Variants in CHRM3 observed in about 807,000 individuals in gnomAD.
CHRM3 encodes cholinergic receptor muscarinic 3.
A neutral mutation model predicts 41.8 loss-of-function variants in CHRM3; 11 were observed. The ratio of observed to expected loss-of-function variants is 0.26; its 90% confidence interval spans 0.17 to 0.44. The LOEUF is 0.44. Among genes scored for constraint, CHRM3 ranks in the 20% least tolerant of loss-of-function variants. The pLI is 1.00. For synonymous variants in CHRM3, 297 were observed against 301.4 expected (o/e 0.99, Z 0.15); for missense variants, 571 against 745.4 (o/e 0.77, Z 2.72).
intron 6 of CHRM3, among the ~76,000 whole-genome samples, chr1:239,862,161 G>A (rs1177180885): frequency 6.6e-6 from 1 of 152,152 alleles, no homozygotes; most frequent in Non-Finnish European, 1.5e-5. Flanking sequence ...TTCCCTCATG[G>A]TTTTTGTATT....
intron 5 of CHRM3, among the ~76,000 whole-genome samples, chr1:239,771,706 C>A (rs1353845693): frequency 1.1e-4 from 17 of 152,180 alleles, no homozygotes; most frequent in Admixed American, 1.1e-3. Context: ...AATTACTCAA[C>A]TTTGCCCTTA....
chr1:239,416,077 C>T (rs1228232438), intron 1 of CHRM3, among the ~76,000 whole-genome samples: 1 of 152,034 alleles, frequency 6.6e-6, no homozygotes, highest in Non-Finnish European at 1.5e-5. Context: ...AATTAAGTAT[C>T]GTGGGGAAGC....
intron 2 of CHRM3, among the ~76,000 whole-genome samples, chr1:239,523,543 C>T (rs1669792540): frequency 6.6e-6 from 1 of 152,246 alleles, no homozygotes; most frequent in Admixed American, 6.5e-5. Context: ...AATCCATTGT[C>T]CCCAGTGTGT....
intron 2 of CHRM3, among the ~76,000 whole-genome samples, chr1:239,538,063 G>T (rs1311096985): frequency 6.6e-6 from 1 of 152,170 alleles, no homozygotes; most frequent in Non-Finnish European, 1.5e-5. Context: ...GGTTGAAGGG[G>T]CAGAAGAGAA....
chr1:239,477,622 C>T (rs1489714403), intron 1 of CHRM3, among the ~76,000 whole-genome samples: 2 of 152,112 alleles, frequency 1.3e-5, no homozygotes, highest in Non-Finnish European at 2.9e-5. Flanking sequence ...CTGAAGATCC[C>T]CACCTTCACA....
At chr1:239,683,250 A>C (rs1658745139) in intron 5 of CHRM3, among the ~76,000 whole-genome samples, 1 of 152,152 alleles carries the variant, frequency 6.6e-6, no homozygotes, top group Non-Finnish European at 1.5e-5. Flanking sequence ...CATCCAATGC[A>C]TTTTTATTTT....
intron 5 of CHRM3, among the ~76,000 whole-genome samples, chr1:239,783,170 C>T (rs560353341): frequency 1.3e-5 from 2 of 151,958 alleles, no homozygotes; most frequent in South Asian, 4.1e-4. Flanking sequence ...TCTGCTGGGT[C>T]TATTTCTCAT....
intron 3 of CHRM3, among the ~76,000 whole-genome samples, chr1:239,580,299 CACA>C (rs1418058630): frequency 1.4e-4 from 19 of 131,856 alleles, no homozygotes; most frequent in Non-Finnish European, 3.2e-5. Context: ...CACACACACA[CACA>C]CACACATCAA....
intron 5 of CHRM3, among the ~76,000 whole-genome samples, chr1:239,735,329 G>T (rs944812666): frequency 3.3e-5 from 5 of 152,118 alleles, no homozygotes; most frequent in Non-Finnish European, 7.4e-5. Flanking sequence ...TTCCTGTACT[G>T]CCAGATAGTC....
At chr1:239,630,688 A>G (rs1392969254) in intron 3 of CHRM3, among the ~76,000 whole-genome samples, 1 of 152,134 alleles carries the variant, frequency 6.6e-6, no homozygotes. Context: ...CTAGGTACAC[A>G]GATATTATTT....
rs780400224 is a variant in CHRM3 at position 239,776,821 on chromosome 1, G to A, written c.-146-50431G>A. On this transcript the variant is annotated intron_variant, in intron 5 of 6. Coordinates refer to ENST00000676153, the MANE Select transcript of CHRM3 (RefSeq NM_001375978.1). ...GGAAGGGGAAGCAAACATGTCCTTC[G>A]TCACATGGCAGCAGCAAGGAGAAGT... Among the ~76,000 whole-genome samples, 26 of 152,082 alleles carry A rather than the reference G, an allele frequency of 1.7e-4. 1 individual carries two copies. Among genetic ancestry groups the A allele is most frequent in the Admixed American group, 3.9e-4 (6 of 15,258 alleles).
At chr1:239,811,574 T>A (rs1209608478) in intron 5 of CHRM3, among the ~76,000 whole-genome samples, 5 of 152,210 alleles carry the variant, frequency 3.3e-5, no homozygotes, top group Admixed American at 2.0e-4. Flanking sequence ...ACTTTGCTTT[T>A]CCTAGTACAA....
intron 5 of CHRM3, among the ~76,000 whole-genome samples, chr1:239,759,976 G>C (rs1010640283): frequency 6.6e-6 from 1 of 151,772 alleles, no homozygotes; most frequent in Non-Finnish European, 1.5e-5. Context: ...GTGCAGTGGC[G>C]CGATCTAGAC....
chr1:239,480,614 T>C (rs1666784393), intron 1 of CHRM3, among the ~76,000 whole-genome samples: 1 of 143,302 alleles, frequency 7.0e-6, no homozygotes, highest in South Asian at 2.2e-4. Context: ...TGGAGTGCAG[T>C]GGCACGATCT....
intron 2 of CHRM3, among the ~76,000 whole-genome samples, chr1:239,521,984 C>T (rs1203547942): frequency 2.6e-5 from 4 of 152,180 alleles, no homozygotes; most frequent in Admixed American, 2.0e-4. Context: ...CTCCTGGAAC[C>T]AATGCCCCAA....
At chr1:239,887,917 G>A (rs79576162) in intron 6 of CHRM3, among the ~76,000 whole-genome samples, 5,051 of 152,204 alleles carry the variant, frequency 0.033, 270 homozygotes, top group African/African-American at 0.12. Context: ...ATAAGCTTCA[G>A]TTTCCACAAA....
chr1:239,552,460 A>G (rs1365340347), intron 3 of CHRM3, among the ~76,000 whole-genome samples: 1 of 147,682 alleles, frequency 6.8e-6, no homozygotes, highest in Non-Finnish European at 1.5e-5. Flanking sequence ...ATCATATTTT[A>G]TATATGTATA....
chr1:239,812,195 A>G (rs563553882), intron 5 of CHRM3, among the ~76,000 whole-genome samples: 120 of 152,240 alleles, frequency 7.9e-4, no homozygotes, highest in Admixed American at 2.7e-3. Context: ...GTGTGCCACC[A>G]TGCCCAGCTA....
At chr1:239,770,549 G>T (rs1223627001) in intron 5 of CHRM3, among the ~76,000 whole-genome samples, 3 of 152,150 alleles carry the variant, frequency 2.0e-5, no homozygotes, top group Non-Finnish European at 2.9e-5. Context: ...AAGGGTTCAA[G>T]GATCTTTGCC....
Sources: allele counts gnomAD v4.1 joint callset (sites outside exome capture counted in the v4.1 genomes callset), GRCh38; gene constraint gnomAD v4.1.1; transcripts MANE v1.5; gene names NCBI Gene and HGNC (gene_info 2026-07-23, HGNC 2026-07-21).